The following CSMD1 variants were observed in gnomAD, a reference collection of about 807,000 sequenced individuals.
The protein encoded by CSMD1 is CUB and sushi domain-containing protein 1.
A neutral mutation model predicts 417.5 loss-of-function variants in CSMD1; 213 were observed. That is an observed-to-expected ratio of 0.51 (90% confidence interval 0.46 to 0.57). The LOEUF is 0.57. Among genes scored for constraint, CSMD1 ranks in the 20% least tolerant of loss-of-function variants. CSMD1 has a pLI of 0.00. For synonymous variants in CSMD1, 2,862 were observed against 1,736.8 expected (o/e 1.65, Z -16.11); for missense variants, 6,923 against 4,529.7 (o/e 1.53, Z -15.17).
At chr8:4,711,459 G>A (rs914210338) in intron 1 of CSMD1, among the ~76,000 whole-genome samples, 2 of 152,006 alleles carry the variant, frequency 1.3e-5, no homozygotes, top group Admixed American at 6.5e-5. Flanking sequence ...AGGTGTGAAA[G>A]TACCTTTTAT....
At chr8:3,671,087 G>C (rs1208278414) in intron 7 of CSMD1, among the ~76,000 whole-genome samples, 3 of 143,914 alleles carry the variant, frequency 2.1e-5, no homozygotes, top group Non-Finnish European at 4.6e-5. Context: ...ATACATATAA[G>C]GGATATATAT....
At chr8:4,574,296 G>A (rs1222471222) in intron 2 of CSMD1, among the ~76,000 whole-genome samples, 1 of 152,190 alleles carries the variant, frequency 6.6e-6, no homozygotes, top group Non-Finnish European at 1.5e-5. Flanking sequence ...TGCAGAAACT[G>A]TGGGAAAAGC....
chr8:3,381,830 G>C (rs1031457449), intron 18 of CSMD1, among the ~76,000 whole-genome samples: 2 of 152,170 alleles, frequency 1.3e-5, no homozygotes, highest in Admixed American at 6.5e-5. Context: ...GAGCATGAGA[G>C]TTACAATTTT....
chr8:3,786,873 C>G (rs181629651), intron 5 of CSMD1, among the ~76,000 whole-genome samples: 8 of 152,102 alleles, frequency 5.3e-5, no homozygotes, highest in Admixed American at 5.2e-4. Context: ...GAGGGCCACA[C>G]CCTCCTGACC....
intron 54 of CSMD1, 143 bp from the exon 55 acceptor site, chr8:2,978,943 C>T (rs555068385): frequency 7.0e-6 from 5 of 715,604 alleles, no homozygotes; most frequent in African/African-American, 5.4e-5. Flanking sequence ...AAATTCCACT[C>T]TCACGATGAA....
chr8:3,746,111 G>C (rs534080534), intron 6 of CSMD1, among the ~76,000 whole-genome samples: 2 of 152,294 alleles, frequency 1.3e-5, no homozygotes, highest in East Asian at 1.9e-4. Context: ...CTGCAGATTT[G>C]GCCAACGATA....
At chr8:4,836,206 T>C (rs1800478604) in intron 1 of CSMD1, among the ~76,000 whole-genome samples, 1 of 152,382 alleles carries the variant, frequency 6.6e-6, no homozygotes, top group Admixed American at 6.5e-5. Context: ...GGCATTCATC[T>C]ACCTTGAGGT....
intron 11 of CSMD1, among the ~76,000 whole-genome samples, chr8:3,493,262 G>C (rs7845366): frequency 0.059 from 8,306 of 140,988 alleles, 298 homozygotes; most frequent in African/African-American, 0.096. Context: ...CCACTGCACT[G>C]CAGCCTGGGT....
chr8:3,896,438 C>T (rs756107927), intron 5 of CSMD1, among the ~76,000 whole-genome samples: 4 of 152,112 alleles, frequency 2.6e-5, no homozygotes, highest in African/African-American at 4.8e-5. Context: ...GTCTCCAAAA[C>T]GTTGAACACT....
chr8:3,275,761 C>A (rs573691393), intron 26 of CSMD1, among the ~76,000 whole-genome samples: 2 of 152,282 alleles, frequency 1.3e-5, no homozygotes, highest in African/African-American at 2.4e-5. Flanking sequence ...AGTTCTGGAG[C>A]TTTGGTTTTC....
chr8:4,756,436 G>A (rs1406671543), intron 1 of CSMD1, among the ~76,000 whole-genome samples: 1 of 152,046 alleles, frequency 6.6e-6, no homozygotes, highest in Admixed American at 6.5e-5. Flanking sequence ...TGACAGTCCA[G>A]TTTCCTAAAC....
chr8:4,405,812 C>T (rs138025029), intron 3 of CSMD1, among the ~76,000 whole-genome samples: 81 of 152,230 alleles, frequency 5.3e-4, no homozygotes, highest in Non-Finnish European at 9.3e-4. Context: ...ATGCCCTGGG[C>T]GGAGCAGTGC....
chr8:4,690,869 T>C (rs979276279), intron 1 of CSMD1, among the ~76,000 whole-genome samples: 3 of 152,114 alleles, frequency 2.0e-5, no homozygotes, highest in African/African-American at 7.2e-5. Context: ...GCTGGGACTA[T>C]AGGTGCATGT....
chr8:4,615,988 C>A (rs1679546506), intron 2 of CSMD1, among the ~76,000 whole-genome samples: 1 of 152,134 alleles, frequency 6.6e-6, no homozygotes. Context: ...TAAAAAACCA[C>A]ATCACCTTTT....
At chr8:4,667,687 A>C (rs1281609700) in intron 1 of CSMD1, among the ~76,000 whole-genome samples, 1 of 152,242 alleles carries the variant, frequency 6.6e-6, no homozygotes, top group Non-Finnish European at 1.5e-5. Context: ...AAGAAATTCA[A>C]TGGATTTTTA....
chr8:3,785,447 T>C (rs1401444087), intron 5 of CSMD1, among the ~76,000 whole-genome samples: 2 of 152,184 alleles, frequency 1.3e-5, no homozygotes, highest in Admixed American at 6.5e-5. Context: ...AATGCCAAGA[T>C]CAGCAATGGG....
At chr8:3,996,880 T>C (rs1040224886) in intron 5 of CSMD1, among the ~76,000 whole-genome samples, 6 of 152,234 alleles carry the variant, frequency 3.9e-5, no homozygotes, top group Non-Finnish European at 7.3e-5. Flanking sequence ...TCAATTCCAA[T>C]AATCGGTTTA....
intron 66 of CSMD1, 33 bp from the exon 67 acceptor site, chr8:2,950,376 G>T (rs758899599): frequency 5.9e-6 from 8 of 1,348,168 alleles, no homozygotes; most frequent in Middle Eastern, 1.8e-4. Context: ...GGCTTACCTT[G>T]GAGAAAGTTA....
intron 20 of CSMD1, among the ~76,000 whole-genome samples, chr8:3,360,980 A>G (rs1347551097): frequency 2.0e-5 from 3 of 151,968 alleles, no homozygotes; most frequent in Admixed American, 6.6e-5. Context: ...CACTTAGCTT[A>G]CTGGTAAAGC....
Sources: allele counts gnomAD v4.1 joint callset (sites outside exome capture counted in the v4.1 genomes callset), GRCh38; gene constraint gnomAD v4.1.1; transcripts MANE v1.5; gene names NCBI Gene and HGNC (gene_info 2026-07-23, HGNC 2026-07-21).